Variants in MAP3K15 observed in about 807,000 individuals in gnomAD.
The protein encoded by MAP3K15 is mitogen-activated protein kinase kinase kinase 15.
Under a neutral mutation model 99.5 loss-of-function variants are expected in MAP3K15, and 124 were observed. The ratio of observed to expected loss-of-function variants is 1.25; its 90% CI spans 1.08 to 1.45. MAP3K15 has a LOEUF of 1.45. Among genes scored for constraint, MAP3K15 ranks in the 40% most tolerant of loss-of-function variants. MAP3K15 has a pLI of 0.00. For missense variants in MAP3K15, 1,242 were observed against 1,079.7 expected (o/e 1.15, Z -2.11); for synonymous variants, 494 against 439.6 (o/e 1.12, Z -1.55).
chrX:19,380,007 A>G, intron 19 of MAP3K15, 113 bp downstream of exon 19: 1 of 840,707 alleles, frequency 1.2e-6, no homozygotes, highest in South Asian at 2.8e-5. Flanking sequence ...CCAATAATAA[A>G]ACTGTTTCCT....
chrX:19,455,875 G>C (rs759476044), intron 6 of MAP3K15, among the ~76,000 whole-genome samples: 1 of 110,725 alleles, frequency 9.0e-6, no homozygotes, highest in Non-Finnish European at 1.9e-5. Context: ...AACCTCAGGC[G>C]TGATGGCTCA....
At chrX:19,445,958 A>AAATAAATC (rs2063995203) in intron 6 of MAP3K15, among the ~76,000 whole-genome samples, 6 of 106,597 alleles carry the variant, frequency 5.6e-5, no homozygotes, top group Admixed American at 5.1e-4. Context: ...AAAAATCAAT[A>AAATAAATC]AATAAATAAA....
At chrX:19,367,813 A>C (rs937850224) in intron 25 of MAP3K15, among the ~76,000 whole-genome samples, 2 of 87,917 alleles carry the variant, frequency 2.3e-5, no homozygotes, top group African/African-American at 8.8e-5. Context: ...CAGTGGCACG[A>C]TCTCGGCTCA....
In MAP3K15 at chrX:19,382,244, C is replaced by CAAAA. The variant is rs1047109372; in HGVS notation, c.2432-1971_2432-1968dup. Reference sequence around the variant, plus strand: ...TGGCGACAGAGCGAGACTCAGTCTCCAAAAAAAAAAAAAAAAAAAAAAAGG... The same window carrying CAAAA: ...TGGCGACAGAGCGAGACTCAGTCTCCAAAAAAAAAAAAAAAAAAAAAAAAAAAGG... On this transcript the variant is annotated intron_variant, in intron 18 of 28. Transcript: ENST00000338883. Among the ~76,000 whole-genome samples the CAAAA allele has an allele frequency of 3.1e-3, 97 of 31,513 alleles. 1 individual carries two copies. Among genetic ancestry groups the CAAAA allele is most frequent in the Middle Eastern group, 0.015 (1 of 65 alleles). 27.4% of individuals were successfully genotyped at this position (31,513 alleles called of 115,157 possible). A position where few individuals can be genotyped will look rare whatever the true frequency, so the allele number is the denominator to read the frequency against.
At chrX:19,425,998 T>G (rs1034726774) in intron 8 of MAP3K15, among the ~76,000 whole-genome samples, 2 of 111,105 alleles carry the variant, frequency 1.8e-5, no homozygotes, top group Admixed American at 1.9e-4. Flanking sequence ...GGTGGGCACC[T>G]GTAATCCCAG....
chrX:19,462,950 A>G (rs958794371), intron 4 of MAP3K15, among the ~76,000 whole-genome samples: 4 of 112,544 alleles, frequency 3.6e-5, no homozygotes, highest in African/African-American at 1.3e-4. Context: ...TTGCCTACTG[A>G]TACATACACA....
intron 1 of MAP3K15, among the ~76,000 whole-genome samples, chrX:19,500,263 T>G (rs1473406883): frequency 9.1e-6 from 1 of 110,427 alleles, no homozygotes; most frequent in Admixed American, 9.7e-5. Flanking sequence ...AATATAAAAA[T>G]AATGAAATAA....
intron 5 of MAP3K15, among the ~76,000 whole-genome samples, chrX:19,458,543 G>A (rs1397158543): frequency 9.0e-6 from 1 of 111,601 alleles, no homozygotes; most frequent in African/African-American, 3.3e-5. Flanking sequence ...AGCCAGGCAA[G>A]GTGGCAGGCA....
At chrX:19,473,498 C>A (rs749041876) in intron 3 of MAP3K15, among the ~76,000 whole-genome samples, 8 of 112,359 alleles carry the variant, frequency 7.1e-5, no homozygotes, top group African/African-American at 2.6e-4. Flanking sequence ...TCTCAAGAAT[C>A]CAGCTCATTA....
At position 19,400,650 on chromosome X, in the gene MAP3K15, C is replaced by G. The variant is rs778271518; in HGVS notation, c.1858G>C (p.Val620Leu). The change falls in exon 14 of 29, where the codon GTC (valine) becomes CTC (leucine). Residue 620 changes from valine (V) to leucine (L), a missense_variant. Physicochemically the swap from Val to Leu is conservative, Grantham distance 32. Transcript: ENST00000338883. ...GCTGTATTGGTTATCATCTCTTTGA[C>G]CAAAGAGAAAAATCTAGAACAGCAA... ...EEQCSRFFSLVKEMITNTAGS... is the reference protein window; with the variant it reads ...EEQCSRFFSLLKEMITNTAGS... 6.7e-6 allele frequency: 8 copies of G among 1,201,231 alleles called. No homozygotes were observed. The highest frequency in any genetic ancestry group is 9.0e-6 in the Non-Finnish European group (8 of 887,816).
chrX:19,492,509 A>C (rs192913276), intron 1 of MAP3K15, among the ~76,000 whole-genome samples: 38 of 111,527 alleles, frequency 3.4e-4, no homozygotes, highest in African/African-American at 1.2e-3. Flanking sequence ...GTCTATACTG[A>C]GGAAACACTC....
intron 6 of MAP3K15, among the ~76,000 whole-genome samples, chrX:19,449,471 C>A (rs765023835): frequency 1.8e-5 from 2 of 109,163 alleles, no homozygotes; most frequent in Non-Finnish European, 3.9e-5. Context: ...ATTTTTGTCC[C>A]CTATGGGACA....
At chrX:19,374,775 T>C (rs2063405814) in intron 19 of MAP3K15, 115 bp from the exon 20 acceptor site, 1 of 637,865 alleles carries the variant, frequency 1.6e-6, no homozygotes, top group African/African-American at 2.2e-5. Flanking sequence ...GCATAATCCA[T>C]GCCCCCTTGC....
At chrX:19,371,173 T>C in intron 23 of MAP3K15, 109 bp from the exon 24 acceptor site, 2 of 786,674 alleles carry the variant, frequency 2.5e-6, no homozygotes, top group South Asian at 5.5e-5. Context: ...GGGGGCCGCA[T>C]GCAATCAGCC....
intron 1 of MAP3K15, among the ~76,000 whole-genome samples, chrX:19,513,108 C>T (rs1487098251): frequency 2.7e-5 from 3 of 111,560 alleles, no homozygotes; most frequent in African/African-American, 9.8e-5. Context: ...AAAGGGAGCT[C>T]GTGGTACAGC....
At chrX:19,494,079 GA>G (rs1179677098) in intron 1 of MAP3K15, among the ~76,000 whole-genome samples, 1 of 106,280 alleles carries the variant, frequency 9.4e-6, no homozygotes, top group African/African-American at 3.4e-5. Flanking sequence ...CAGCTTCAGG[GA>G]AAAAAAAAAC....
At chrX:19,456,832 T>C (rs2064096669) in intron 6 of MAP3K15, 81 bp downstream of exon 6, 2 of 711,221 alleles carry the variant, frequency 2.8e-6, no homozygotes, top group Admixed American at 5.4e-5. Flanking sequence ...ACCTGGCTCA[T>C]ACCCGATGTT....
intron 6 of MAP3K15, among the ~76,000 whole-genome samples, chrX:19,453,511 A>C (rs1040965175): frequency 9.1e-6 from 1 of 110,167 alleles, no homozygotes; most frequent in Non-Finnish European, 1.9e-5. Context: ...AAAAAAAAAA[A>C]AAAAAGTAGT....
intron 15 of MAP3K15, among the ~76,000 whole-genome samples, chrX:19,396,374 A>T (rs1347166213): frequency 8.9e-6 from 1 of 112,030 alleles, no homozygotes; most frequent in African/African-American, 3.2e-5. Flanking sequence ...ATTGCTACCA[A>T]ATGAAGGAGA....
Sources: gnomAD v4.1 joint callset for allele counts (sites outside exome capture counted in the v4.1 genomes callset) on GRCh38, gnomAD v4.1.1 for gene constraint, MANE v1.5 for transcripts, NCBI Gene and HGNC (gene_info 2026-07-23, HGNC 2026-07-21) for gene names.